The following PUDP variants were observed in gnomAD, a reference collection of about 807,000 sequenced individuals.
The protein encoded by PUDP is pseudouridine 5'-phosphatase.
Under a neutral mutation model 9.4 loss-of-function variants are expected in PUDP, and 8 were observed. That is an observed-to-expected ratio of 0.85 (90% CI 0.50 to 1.53). The LOEUF is 1.53. Ranked by LOEUF, PUDP falls within the 40% of genes most tolerant of loss-of-function variation. PUDP has a pLI of 0.00. For missense variants in PUDP, 188 were observed against 189.7 expected, an observed-to-expected ratio of 0.99 and a Z score of 0.05; for synonymous variants, 99 against 80.7, an observed-to-expected ratio of 1.23 and a Z score of -1.22.
chrX:6,849,158 G>A lies in PUDP; in HGVS notation c.*247+127975C>T, dbSNP rs1045988957. On this transcript the variant is annotated intron_variant and NMD_transcript_variant, in intron 3 of 3. Transcript: ENST00000655425. ...GTGAAGAATGTGACCTCTATTGGAA[G>A]CCCTCTGAGAGCGTGATGCCGCTCC... is the stretch of plus-strand genomic sequence containing the variant. Among the ~76,000 whole-genome samples the A allele has an allele frequency of 4.9e-4, 55 of 111,496 alleles. 1 individual carries two copies. The highest frequency in any genetic ancestry group is 3.0e-4 in the Non-Finnish European group (16 of 53,089).
At chrX:6,720,661 C>G (rs1405275532) in intron 1 of PUDP, among the ~76,000 whole-genome samples, 2 of 75,788 alleles carry the variant, frequency 2.6e-5, no homozygotes, top group Non-Finnish European at 5.0e-5. Context: ...TCACACTATC[C>G]CCAAATAATA....
At chrX:6,865,105 CTA>C (rs202179284) in intron 3 of PUDP, among the ~76,000 whole-genome samples, 5,829 of 111,153 alleles carry the variant, frequency 0.052, 297 homozygotes, top group East Asian at 0.3. Flanking sequence ...GTGTTTGCCT[CTA>C]GAGTATATGT....
intron 3 of PUDP, among the ~76,000 whole-genome samples, chrX:6,769,919 T>A (rs1429359335): frequency 8.9e-6 from 1 of 112,387 alleles, no homozygotes; most frequent in East Asian, 2.8e-4. Flanking sequence ...AAACGGGGGA[T>A]AAATTGCAAG....
At chrX:6,816,087 C>T (rs968541701) in intron 3 of PUDP, among the ~76,000 whole-genome samples, 9 of 106,297 alleles carry the variant, frequency 8.5e-5, no homozygotes, top group Non-Finnish European at 1.5e-4. Flanking sequence ...TATATACTTA[C>T]AATCTGCTGA....
At chrX:6,753,752 G>T (rs1002213030) in intron 3 of PUDP, among the ~76,000 whole-genome samples, 2 of 111,934 alleles carry the variant, frequency 1.8e-5, no homozygotes, top group Non-Finnish European at 3.8e-5. Flanking sequence ...TCATATGTTT[G>T]TCAGCCATTT....
In PUDP at chrX:6,916,245, CA is replaced by C. The variant is rs1569122805; in HGVS notation, c.*247+60887del. Among the ~76,000 whole-genome samples, 721 of 85,945 alleles carry C rather than the reference CA, an allele frequency of 8.4e-3. 14 individuals are homozygous for C. Among genetic ancestry groups the C allele is most frequent in the African/African-American group, 0.037 (678 of 18,118 alleles). The allele number at this position is 85,945 out of a possible 115,157, so 74.6% of individuals were successfully genotyped here. A position where few individuals can be genotyped will look rare whatever the true frequency, so the allele number is the denominator to read the frequency against. ...ACACACACACACACACACACACACACACACCCTGGGGAACTGGTAAATTTGG... is the reference window on the plus strand; with the variant it reads ...ACACACACACACACACACACACACACCACCCTGGGGAACTGGTAAATTTGG... On this transcript the variant is annotated intron_variant and NMD_transcript_variant, in intron 3 of 3. Transcript: ENST00000655425.
At position 7,049,099 on chromosome X, in the gene PUDP, C is replaced by A. The variant is rs1032697372; in HGVS notation, c.*1197G>T. On this transcript the variant is annotated 3_prime_UTR_variant, in exon 4 of 4. Transcript: ENST00000381077. ...ATAGCCAGGGCCTGTCATTCACAGACAATCACTCCACCACACGCACACATA... is the reference window on the plus strand; with the variant it reads ...ATAGCCAGGGCCTGTCATTCACAGAAAATCACTCCACCACACGCACACATA... The A allele has an allele frequency of 4.3e-4, 48 of 111,906 alleles. No homozygotes were observed. The highest frequency in any genetic ancestry group is 1.4e-3 in the African/African-American group (44 of 30,773). The allele number at this position is 111,906 out of a possible 1,213,427, so 9.2% of individuals were successfully genotyped here. A position where few individuals can be genotyped will look rare whatever the true frequency, so the allele number is the denominator to read the frequency against.
intron 3 of PUDP, among the ~76,000 whole-genome samples, chrX:7,061,982 C>T (rs1380767636): frequency 1.8e-5 from 2 of 111,928 alleles, no homozygotes; most frequent in African/African-American, 3.3e-5. Context: ...AGTGACTATG[C>T]CACTAAATAT....
intron 3 of PUDP, among the ~76,000 whole-genome samples, chrX:6,820,558 C>G (rs1926324876): frequency 9.0e-6 from 1 of 111,641 alleles, no homozygotes; most frequent in African/African-American, 3.3e-5. Flanking sequence ...GTAAATACAG[C>G]TGTTCCAAAT....
chrX:6,726,819 C>T (rs754943570), intron 3 of PUDP, among the ~76,000 whole-genome samples: 58 of 110,846 alleles, frequency 5.2e-4, no homozygotes, highest in African/African-American at 1.7e-3. Flanking sequence ...CAATTGAAGT[C>T]GATTCATTTA....
chrX:6,788,008 A>T (rs1056407314), intron 3 of PUDP, among the ~76,000 whole-genome samples: 2 of 112,091 alleles, frequency 1.8e-5, no homozygotes, highest in Non-Finnish European at 3.8e-5. Flanking sequence ...ATTTCCACTG[A>T]TAATTGTTCA....
intron 1 of PUDP, among the ~76,000 whole-genome samples, chrX:6,990,075 C>T (rs1178283812): frequency 9.0e-6 from 1 of 110,617 alleles, no homozygotes; most frequent in Admixed American, 9.6e-5. Flanking sequence ...AACAGGAACT[C>T]TCCTCCCACG....
chrX:6,790,260 T>G (rs1006324811), intron 3 of PUDP, among the ~76,000 whole-genome samples: 1 of 111,528 alleles, frequency 9.0e-6, no homozygotes, highest in Non-Finnish European at 1.9e-5. Context: ...GAAATAAAAA[T>G]ATTTCACCTC....
At chrX:6,885,110 A>G (rs1927403070) in intron 3 of PUDP, among the ~76,000 whole-genome samples, 1 of 112,128 alleles carries the variant, frequency 8.9e-6, no homozygotes, top group African/African-American at 3.2e-5. Flanking sequence ...GCTCACAGAG[A>G]AGGGAGATAG....
chrX:6,888,365 G>A (rs1462527539), intron 3 of PUDP, among the ~76,000 whole-genome samples: 2 of 110,618 alleles, frequency 1.8e-5, no homozygotes, highest in Non-Finnish European at 3.8e-5. Context: ...ATTTGGGCCA[G>A]GTGCAGTAGC....
intron 3 of PUDP, among the ~76,000 whole-genome samples, chrX:6,806,219 G>A (rs763250542): frequency 8.9e-6 from 1 of 112,101 alleles, no homozygotes; most frequent in African/African-American, 3.2e-5. Flanking sequence ...CATTTATTTG[G>A]TGATCATTTT....
intron 3 of PUDP, among the ~76,000 whole-genome samples, chrX:6,726,766 C>A (rs1483998663): frequency 9.0e-6 from 1 of 111,239 alleles, no homozygotes; most frequent in East Asian, 2.8e-4. Flanking sequence ...CCTGGAAATA[C>A]ATAAACACTT....
In PUDP at chrX:7,121,722, T is replaced by C. The variant is rs747150658; in HGVS notation, c.62-15884A>G. On this transcript the variant is annotated intron_variant, in intron 1 of 3. Transcript: ENST00000381077. Reference sequence around the variant, plus strand: ...GGGGTCAGTGTGAGGGCTTTCTAACTAGCATGCAGTGTGCCAGGGAACCCC... The same window carrying C: ...GGGGTCAGTGTGAGGGCTTTCTAACCAGCATGCAGTGTGCCAGGGAACCCC... Among the ~76,000 whole-genome samples, 18 of 111,154 alleles carry C rather than the reference T, an allele frequency of 1.6e-4. No individual in the cohort carries two copies. The East Asian group carries it at 5.1e-3, about 32-fold the overall frequency.
chrX:6,775,823 C>T (rs1237827064), intron 3 of PUDP, among the ~76,000 whole-genome samples: 2 of 111,220 alleles, frequency 1.8e-5, no homozygotes, highest in African/African-American at 3.3e-5. Context: ...GAGAAGGCCC[C>T]GTCTATGAAC....
Sources: allele counts gnomAD v4.1 joint callset (sites outside exome capture counted in the v4.1 genomes callset), GRCh38; gene constraint gnomAD v4.1.1; transcripts MANE v1.5; gene names NCBI Gene and HGNC (gene_info 2026-07-23, HGNC 2026-07-21).